Variants in ERBB4 observed in about 807,000 individuals in gnomAD.
The protein encoded by ERBB4 is erb-b2 receptor tyrosine kinase 4.
ERBB4 carries 42 observed loss-of-function variants against 158.0 expected under a neutral mutation model. The ratio of observed to expected loss-of-function variants is 0.27; its 90% CI spans 0.21 to 0.34. ERBB4 has a LOEUF of 0.34. Ranked by LOEUF, ERBB4 falls within the 10% of genes least tolerant of loss-of-function variation. The probability of loss-of-function intolerance (pLI) is 1.00; values close to 1 mark genes in which losing one functional copy is unlikely to be tolerated. For synonymous variants in ERBB4, 583 were observed against 558.7 expected (o/e 1.04, Z -0.61); for missense variants, 1,333 against 1,624.1 (o/e 0.82, Z 3.08).
intron 3 of ERBB4, among the ~76,000 whole-genome samples, chr2:211,819,231 A>T (rs769330927): frequency 2.2e-4 from 34 of 152,100 alleles, no homozygotes; most frequent in Non-Finnish European, 3.5e-4. Flanking sequence ...GTGATTGCAC[A>T]TTCTGAGACA....
chr2:211,528,801 G>C (rs769018587), intron 20 of ERBB4, among the ~76,000 whole-genome samples: 3 of 151,632 alleles, frequency 2.0e-5, no homozygotes, highest in Non-Finnish European at 4.4e-5. Context: ...AAAGTTTCTT[G>C]AAAAAAATGA....
At chr2:212,243,485 TA>T (rs1479848959) in intron 1 of ERBB4, among the ~76,000 whole-genome samples, 1 of 152,200 alleles carries the variant, frequency 6.6e-6, no homozygotes, top group African/African-American at 2.4e-5. Context: ...TTTAGCTTTT[TA>T]TTAATCTTAC....
intron 19 of ERBB4, among the ~76,000 whole-genome samples, chr2:211,595,289 C>A (rs2068596678): frequency 6.6e-6 from 1 of 152,018 alleles, no homozygotes; most frequent in African/African-American, 2.4e-5. Flanking sequence ...GGCAAGACCA[C>A]TTTAAAATTA....
intron 19 of ERBB4, among the ~76,000 whole-genome samples, chr2:211,605,818 G>A (rs1007132895): frequency 6.6e-6 from 1 of 152,060 alleles, no homozygotes; most frequent in Non-Finnish European, 1.5e-5. Context: ...CAACCTAGGA[G>A]CAGTTACTTA....
intron 1 of ERBB4, among the ~76,000 whole-genome samples, chr2:212,182,434 C>T (rs1354680643): frequency 3.3e-5 from 5 of 151,742 alleles, no homozygotes; most frequent in Non-Finnish European, 7.4e-5. Flanking sequence ...ATAAGCATGC[C>T]AGTACCCACA....
At chr2:212,249,920 T>C (rs10497968) in intron 1 of ERBB4, among the ~76,000 whole-genome samples, 9,653 of 152,062 alleles carry the variant, frequency 0.063, 360 homozygotes, top group Non-Finnish European at 0.082. Flanking sequence ...AAAGAGCTTA[T>C]ATGCAATTGG....
intron 20 of ERBB4, chr2:211,535,589 A>ATGTGTATGTGTATGTGTG (rs1553561682): frequency 6.9e-6 from 1 of 144,732 alleles, no homozygotes; most frequent in Non-Finnish European, 1.6e-5. Flanking sequence ...GAGAGAGTGT[A>ATGTGTATGTGTATGTGTG]TGTGTGTGTG....
intron 2 of ERBB4, among the ~76,000 whole-genome samples, chr2:212,082,115 T>C (rs1291440659): frequency 2.0e-5 from 3 of 152,154 alleles, no homozygotes; most frequent in East Asian, 1.9e-4. Context: ...GCATGAACCA[T>C]TGTGAGTCCC....
intron 3 of ERBB4, among the ~76,000 whole-genome samples, chr2:211,908,232 C>A (rs1003133148): frequency 5.9e-5 from 9 of 151,700 alleles, no homozygotes; most frequent in Non-Finnish European, 1.2e-4. Context: ...TTCAGAAGAT[C>A]ACAGTTACAG....
chr2:211,965,001 T>C (rs190918877), intron 2 of ERBB4, among the ~76,000 whole-genome samples: 52 of 152,304 alleles, frequency 3.4e-4, no homozygotes, highest in African/African-American at 1.2e-3. Flanking sequence ...CTAATTTGAT[T>C]TGTTCAACTA....
chr2:211,698,049 G>T (rs10932393), intron 12 of ERBB4, among the ~76,000 whole-genome samples: 60,313 of 151,984 alleles, frequency 0.4, 12,678 homozygotes, highest in South Asian at 0.47. Flanking sequence ...AGGCATGGTG[G>T]CTCACACCTG....
At chr2:211,853,859 TTAGTTATAATGACTTAAAAAGGAGTCA>T (rs2077781278) in intron 3 of ERBB4, among the ~76,000 whole-genome samples, 1 of 152,088 alleles carries the variant, frequency 6.6e-6, no homozygotes, top group African/African-American at 2.4e-5. Flanking sequence ...AAGCAATACA[TTAGTTATAATGACTTAAAAAGGAGTCA>T]TCACCAGATG....
chr2:211,851,061 A>C (rs1163285270), intron 3 of ERBB4, among the ~76,000 whole-genome samples: 1 of 151,994 alleles, frequency 6.6e-6, no homozygotes, highest in Non-Finnish European at 1.5e-5. Flanking sequence ...TATTGAAAAT[A>C]AATTATTACC....
intron 1 of ERBB4, among the ~76,000 whole-genome samples, chr2:212,448,252 G>A (rs1224373112): frequency 6.6e-6 from 1 of 152,068 alleles, no homozygotes; most frequent in Non-Finnish European, 1.5e-5. Flanking sequence ...ACTGTTTTGT[G>A]TACCCAACAG....
intron 17 of ERBB4, among the ~76,000 whole-genome samples, chr2:211,628,118 ACT>A (rs1036382668): frequency 9.3e-5 from 14 of 150,442 alleles, no homozygotes; most frequent in African/African-American, 3.4e-4. Flanking sequence ...AAACAGAAAG[ACT>A]CTCTCTCTTT....
At chr2:212,319,220 T>C (rs2087443536) in intron 1 of ERBB4, among the ~76,000 whole-genome samples, 1 of 151,610 alleles carries the variant, frequency 6.6e-6, no homozygotes, top group East Asian at 2.0e-4. Flanking sequence ...ACAAAATATG[T>C]CTAACAGTTT....
chr2:211,887,711 T>TA (rs1187669771), intron 3 of ERBB4, among the ~76,000 whole-genome samples: 1 of 152,178 alleles, frequency 6.6e-6, no homozygotes, highest in African/African-American at 2.4e-5. Flanking sequence ...TTTAATCATG[T>TA]TATTATCACA....
intron 4 of ERBB4, among the ~76,000 whole-genome samples, chr2:211,772,924 C>CACACACACACACACATATATAT (rs1181682464): frequency 7.6e-4 from 28 of 36,712 alleles, no homozygotes; most frequent in African/African-American, 3.7e-3. Flanking sequence ...CACACACACA[C>CACACACACACACACATATATAT]ATATATATAT....
intron 25 of ERBB4, among the ~76,000 whole-genome samples, chr2:211,411,065 C>A (rs1454059584): frequency 6.6e-6 from 1 of 152,134 alleles, no homozygotes; most frequent in Non-Finnish European, 1.5e-5. Context: ...TGCGCCGCTA[C>A]ACCCAGGTAA....
Sources: gnomAD v4.1 joint callset for allele counts (sites outside exome capture counted in the v4.1 genomes callset) on GRCh38, gnomAD v4.1.1 for gene constraint, MANE v1.5 for transcripts, NCBI Gene and HGNC (gene_info 2026-07-23, HGNC 2026-07-21) for gene names.